Variants in DENND2B observed in about 807,000 individuals in gnomAD.
DENND2B encodes DENN domain containing 2B, also known as DENN domain-containing protein 2B.
Under a neutral mutation model 116.0 loss-of-function variants are expected in DENND2B, and 32 were observed. The ratio of observed to expected loss-of-function variants is 0.28; its 90% CI spans 0.21 to 0.37. The LOEUF (loss-of-function observed/expected upper bound fraction) is 0.37, where lower values mean the gene tolerates loss of function less well. Ranked by LOEUF, DENND2B falls within the 10% of genes least tolerant of loss-of-function variation. The probability of loss-of-function intolerance (pLI) is 1.00; values close to 1 mark genes in which losing one functional copy is unlikely to be tolerated. For missense variants in DENND2B, 1,276 were observed against 1,477.7 expected (o/e 0.86, Z 2.24); for synonymous variants, 588 against 583.9 (o/e 1.01, Z -0.10).
chr11:8,807,644 C>T (rs1438284401), intron 1 of DENND2B, among the ~76,000 whole-genome samples: 1 of 152,148 alleles, frequency 6.6e-6, no homozygotes, highest in African/African-American at 2.4e-5. Context: ...GGAGTGAGAA[C>T]AGGAATGTTA....
intron 4 of DENND2B, among the ~76,000 whole-genome samples, chr11:8,819,506 T>C (rs2061688021): frequency 6.6e-6 from 1 of 152,036 alleles, no homozygotes; most frequent in Admixed American, 6.5e-5. Flanking sequence ...GGTGGAGAAA[T>C]GGACACATAT....
intron 2 of DENND2B, among the ~76,000 whole-genome samples, chr11:8,744,132 GTT>G (rs376495586): frequency 7.3e-6 from 1 of 136,896 alleles, no homozygotes; most frequent in African/African-American, 2.7e-5. Flanking sequence ...AACCCATGAA[GTT>G]TTTTTTTTTT....
At chr11:8,792,507 G>T (rs2059470048) in intron 1 of DENND2B, among the ~76,000 whole-genome samples, 1 of 152,048 alleles carries the variant, frequency 6.6e-6, no homozygotes. Context: ...TTTTTATTGG[G>T]GGAAAAATTA....
intron 3 of DENND2B, among the ~76,000 whole-genome samples, chr11:8,843,494 G>C (rs1461254525): frequency 6.6e-6 from 1 of 152,124 alleles, no homozygotes; most frequent in Non-Finnish European, 1.5e-5. Context: ...CTCTGCATTT[G>C]TAAAAATGTC....
At chr11:8,880,207 G>T (rs1195398948) in intron 2 of DENND2B, among the ~76,000 whole-genome samples, 1 of 151,890 alleles carries the variant, frequency 6.6e-6, no homozygotes, top group Non-Finnish European at 1.5e-5. Flanking sequence ...TAGGATAATT[G>T]GCATTCTATG....
At chr11:8,742,074 A>T (rs2050321429) in intron 2 of DENND2B, among the ~76,000 whole-genome samples, 1 of 152,106 alleles carries the variant, frequency 6.6e-6, no homozygotes, top group Non-Finnish European at 1.5e-5. Flanking sequence ...TATTATTACT[A>T]GTTTTTGTAG....
At chr11:8,795,313 C>T (rs2059722121) in intron 1 of DENND2B, among the ~76,000 whole-genome samples, 1 of 152,270 alleles carries the variant, frequency 6.6e-6, no homozygotes, top group African/African-American at 2.4e-5. Context: ...TAAAAGAAAG[C>T]AAGCCAATTA....
chr11:8,731,508 C>G (rs778573544), intron 2 of DENND2B, among the ~76,000 whole-genome samples: 2 of 152,142 alleles, frequency 1.3e-5, no homozygotes, highest in Non-Finnish European at 2.9e-5. Flanking sequence ...AGTCTAACAT[C>G]TGCCAGTAAG....
At chr11:8,790,561 G>A (rs1404226624) in intron 1 of DENND2B, among the ~76,000 whole-genome samples, 1 of 152,126 alleles carries the variant, frequency 6.6e-6, no homozygotes, top group Admixed American at 6.5e-5. Flanking sequence ...TTGAGCCCAA[G>A]AGTTCGAGAC....
chr11:8,730,883 T>C lies in DENND2B; in HGVS notation c.407A>G (p.Gln136Arg). Residue 136 changes from glutamine (Q) to arginine (R), a missense_variant, in exon 3 of 20, where the codon CAG (glutamine) becomes CGG (arginine). Coordinates refer to ENST00000313726, the MANE Select transcript of DENND2B (RefSeq NM_213618.2). This position sits in a 1 kb window ranked among gnomAD's most constrained non-coding sequence, Gnocchi z 4.1. ...AGVAACLPLA[Q>R]STPFPGPAAG... ...TGCTGGCCCCGGGAATGGCGTGCTC[T>C]GGGCAAGGGGGAGGCAGGCAGCGAC... The C allele has an allele frequency of 6.2e-7, 1 of 1,613,882 alleles. No individual in the cohort carries two copies. Among genetic ancestry groups the C allele is most frequent in the Non-Finnish European group, 8.5e-7 (1 of 1,180,028 alleles).
At chr11:8,773,514 A>G (rs2057233369) in intron 1 of DENND2B, among the ~76,000 whole-genome samples, 1 of 152,224 alleles carries the variant, frequency 6.6e-6, no homozygotes, top group South Asian at 2.1e-4. Context: ...CCCCACACCT[A>G]CCTGCCTTCC....
rs1362405774 is a variant in DENND2B at position 8,883,523 on chromosome 11, C to T, written c.-255-2414G>A. Among the ~76,000 whole-genome samples, 8 of 151,958 alleles carry T rather than the reference C, an allele frequency of 5.3e-5. No homozygotes were observed. The South Asian group carries it at 1.7e-3, about 31-fold the overall frequency. On this transcript the variant is annotated intron_variant, in intron 1 of 22. Coordinates refer to the DENND2B transcript ENST00000534127. ...AATCTTACATTTTCTTTTTCTTTTT[C>T]TTGTTGAACTGATGCTATGTTAAGA... is the stretch of plus-strand genomic sequence containing the variant.
At chr11:8,757,157 G>C in intron 1 of DENND2B, 1 of 452,332 alleles carries the variant, frequency 2.2e-6, no homozygotes, top group Non-Finnish European at 4.4e-6. Context: ...ACAACTGCTA[G>C]TTATGTGACC....
chr11:8,883,781 A>C (rs1038033788), intron 1 of DENND2B, among the ~76,000 whole-genome samples: 1 of 152,210 alleles, frequency 6.6e-6, no homozygotes, highest in Non-Finnish European at 1.5e-5. Context: ...TTAAAAAGGG[A>C]GATTATCTAC....
At chr11:8,704,885 A>G (rs912296418) in intron 13 of DENND2B, among the ~76,000 whole-genome samples, 2 of 151,906 alleles carry the variant, frequency 1.3e-5, no homozygotes, top group African/African-American at 4.8e-5. Context: ...TATTTTTGGA[A>G]GAGACAGAGT....
At chr11:8,808,930 C>G (rs1328517204) in intron 1 of DENND2B, 1 of 152,274 alleles carries the variant, frequency 6.6e-6, no homozygotes, top group East Asian at 1.9e-4. Context: ...GCAGCAGCTC[C>G]TGAAACTGGG....
chr11:8,874,598 C>A (rs945938848), upstream of DENND2B, among the ~76,000 whole-genome samples: 3 of 152,046 alleles, frequency 2.0e-5, no homozygotes, highest in Non-Finnish European at 4.4e-5. Flanking sequence ...CCTAGGTACT[C>A]TGCCTGTAAT....
chr11:8,714,617 T>A lies in DENND2B; in HGVS notation c.1935A>T (p.Ser645=). 6.2e-7 allele frequency: 1 copy of A among 1,613,914 alleles called. No individual in the cohort carries two copies. Among genetic ancestry groups the A allele is most frequent in the Non-Finnish European group, 8.5e-7 (1 of 1,179,878 alleles). Residue 645 remains serine, a synonymous_variant, in exon 7 of 20, where the codon TCA becomes TCT. Transcript: ENST00000313726. The part of the protein sequence containing the change: ...KLSMSSIETA[S]LRDENSESES... The stretch of plus-strand genomic sequence containing the variant: ...TCTGGCACCAAAGCCTACCTCTCAG[T>A]GATGCTGTTTCAATGCTGGACATAG...
In DENND2B at chr11:8,895,821, G is replaced by A. The variant is rs949328770; in HGVS notation, c.-255-14712C>T. Among the ~76,000 whole-genome samples, 10 of 151,600 alleles carry A rather than the reference G, an allele frequency of 6.6e-5. No homozygotes were observed. The South Asian group carries it at 1.0e-3, about 16-fold the overall frequency. ...TTATTCTTTTAGAGATGGGGGTTCC[G>A]CTATGTTGACCAGGCTGGTCTTGAA... On this transcript the variant is annotated intron_variant, in intron 1 of 22. Transcript: ENST00000534127.
Sources: allele counts gnomAD v4.1 joint callset (sites outside exome capture counted in the v4.1 genomes callset), GRCh38; gene constraint gnomAD v4.1.1; non-coding constraint Gnocchi (gnomAD v3.1); transcripts MANE v1.5; gene names NCBI Gene and HGNC (gene_info 2026-07-23, HGNC 2026-07-21).